The following SLC24A3 variants were observed in gnomAD, a reference collection of about 807,000 sequenced individuals.
SLC24A3 encodes solute carrier family 24 member 3, also known as sodium/potassium/calcium exchanger 3.
A neutral mutation model predicts 75.8 loss-of-function variants in SLC24A3; 28 were observed. That is an observed-to-expected ratio of 0.37 (90% confidence interval 0.27 to 0.51). The LOEUF (loss-of-function observed/expected upper bound fraction) is 0.51, where lower values mean the gene tolerates loss of function less well. Among genes scored for constraint, SLC24A3 ranks in the 20% least tolerant of loss-of-function variants. The pLI is 0.94. For synonymous variants in SLC24A3, 372 were observed against 334.1 expected, an observed-to-expected ratio of 1.11 and a Z score of -1.24; for missense variants, 663 against 847.8, an observed-to-expected ratio of 0.78 and a Z score of 2.71.
At chr20:19,514,563 C>T (rs775360868) in intron 2 of SLC24A3, among the ~76,000 whole-genome samples, 19 of 152,228 alleles carry the variant, frequency 1.2e-4, no homozygotes, top group East Asian at 1.9e-4. Context: ...CTTCCTGCCG[C>T]GCCTGGTGGG....
At chr20:19,570,118 C>T (rs976600235) in intron 3 of SLC24A3, among the ~76,000 whole-genome samples, 1 of 152,144 alleles carries the variant, frequency 6.6e-6, no homozygotes, top group Non-Finnish European at 1.5e-5. Flanking sequence ...CAAGCTTCTG[C>T]TTCTGGGGAG....
intron 1 of SLC24A3, among the ~76,000 whole-genome samples, chr20:19,265,112 C>T (rs1198693540): frequency 6.6e-6 from 1 of 152,218 alleles, no homozygotes; most frequent in Non-Finnish European, 1.5e-5. Context: ...TAAAGCATTA[C>T]TGCACTACTA....
chr20:19,618,525 C>T (rs1190212428), intron 6 of SLC24A3, among the ~76,000 whole-genome samples: 1 of 152,126 alleles, frequency 6.6e-6, no homozygotes, highest in Admixed American at 6.5e-5. Flanking sequence ...CTTTAAAGGC[C>T]CTAGCTCCAA....
intron 3 of SLC24A3, among the ~76,000 whole-genome samples, chr20:19,517,748 C>T (rs898517552): frequency 6.6e-6 from 1 of 152,222 alleles, no homozygotes; most frequent in Non-Finnish European, 1.5e-5. Context: ...GAGCCTGCTG[C>T]CAAGGCCCTT....
At chr20:19,589,445 G>A (rs1049693818) in intron 6 of SLC24A3, among the ~76,000 whole-genome samples, 1 of 152,160 alleles carries the variant, frequency 6.6e-6, no homozygotes, top group Non-Finnish European at 1.5e-5. Context: ...TGGACCTTGG[G>A]GCCCAGGGAA....
intron 2 of SLC24A3, among the ~76,000 whole-genome samples, chr20:19,363,031 C>T (rs929612564): frequency 1.1e-4 from 16 of 152,208 alleles, no homozygotes; most frequent in Admixed American, 4.6e-4. Context: ...ACTGCCAAAA[C>T]GTTGAAATCA....
chr20:19,572,698 C>T lies in SLC24A3; in HGVS notation c.349-7302C>T, dbSNP rs150952149. 3.7e-4 allele frequency among the ~76,000 whole-genome samples: 56 copies of T among 152,282 alleles called. No individual in the cohort carries two copies. In the East Asian group the frequency reaches 0.011, roughly 29 times the overall value. The stretch of plus-strand genomic sequence containing the variant: ...TACATTCCTCTTCCCTGCAAACCCC[C>T]ACCCCAAATCCTCTTGTTCAGAACC... On this transcript the variant is annotated intron_variant, in intron 3 of 16. Coordinates refer to ENST00000328041, the MANE Select transcript of SLC24A3 (RefSeq NM_020689.4).
chr20:19,484,814 G>A (rs1210036970), intron 2 of SLC24A3, among the ~76,000 whole-genome samples: 2 of 152,132 alleles, frequency 1.3e-5, no homozygotes, highest in Admixed American at 1.3e-4. Flanking sequence ...TTTAAAAAGG[G>A]TTATGATGAA....
chr20:19,610,271 A>G (rs776634079), intron 6 of SLC24A3, among the ~76,000 whole-genome samples: 54 of 152,072 alleles, frequency 3.6e-4, no homozygotes, highest in Non-Finnish European at 6.3e-4. Flanking sequence ...GTTACAAAGG[A>G]AAACATTGGG....
Position 19,540,672 on chromosome 20 carries a change from C to CTGGCA in SLC24A3, c.348+25110_348+25114dup, listed in dbSNP as rs564342472. ...ATGAAGCCCAGGGGAGGCCCATTTC[C>CTGGCA]TGGCATTCTGCTTCTATGTTTTAGT... On this transcript the variant is annotated intron_variant, in intron 3 of 16. Coordinates refer to ENST00000328041, the MANE Select transcript of SLC24A3 (RefSeq NM_020689.4). Among the ~76,000 whole-genome samples, 3 of 152,328 alleles carry CTGGCA rather than the reference C, an allele frequency of 2.0e-5. No homozygotes were observed. The South Asian group carries it at 6.2e-4, about 32-fold the overall frequency.
At chr20:19,687,825 G>A (rs1313975518) in intron 12 of SLC24A3, among the ~76,000 whole-genome samples, 1 of 152,178 alleles carries the variant, frequency 6.6e-6, no homozygotes, top group Non-Finnish European at 1.5e-5. Flanking sequence ...TTTGAAACTC[G>A]TGCTCGCCAC....
chr20:19,350,630 G>T (rs980609779), intron 2 of SLC24A3, among the ~76,000 whole-genome samples: 9 of 152,204 alleles, frequency 5.9e-5, no homozygotes, highest in African/African-American at 2.2e-4. Context: ...TAATTGATGG[G>T]TATCAGCATA....
chr20:19,709,059 G>A (rs750554266), intron 15 of SLC24A3, among the ~76,000 whole-genome samples: 5 of 152,148 alleles, frequency 3.3e-5, no homozygotes, highest in Non-Finnish European at 5.9e-5. Context: ...AGCCCACAGC[G>A]GCTGTGCTAG....
chr20:19,311,923 G>C (rs1984467595), intron 2 of SLC24A3, among the ~76,000 whole-genome samples: 1 of 151,968 alleles, frequency 6.6e-6, no homozygotes. Flanking sequence ...GTAGCATGAG[G>C]GTTTCCTTCC....
intron 2 of SLC24A3, among the ~76,000 whole-genome samples, chr20:19,390,165 T>G (rs996358655): frequency 1.3e-5 from 2 of 152,242 alleles, no homozygotes; most frequent in Non-Finnish European, 2.9e-5. Context: ...CTCACTGAGT[T>G]TCTTTAAGAT....
chr20:19,400,407 A>G (rs1335142289), intron 2 of SLC24A3, among the ~76,000 whole-genome samples: 2 of 151,966 alleles, frequency 1.3e-5, no homozygotes, highest in African/African-American at 2.4e-5. Flanking sequence ...CTTCCCATGT[A>G]CTCTACCCAC....
At chr20:19,505,972 T>C (rs1478760614) in intron 2 of SLC24A3, among the ~76,000 whole-genome samples, 1 of 152,226 alleles carries the variant, frequency 6.6e-6, no homozygotes, top group Admixed American at 6.5e-5. Flanking sequence ...AGAGCTATCA[T>C]TTGATAGGTC....
chr20:19,293,570 C>A (rs1056919138), intron 2 of SLC24A3, among the ~76,000 whole-genome samples: 5 of 149,962 alleles, frequency 3.3e-5, no homozygotes, highest in African/African-American at 1.2e-4. Context: ...GTATGAGAAT[C>A]ACTTGAACCC....
At chr20:19,670,587 G>C (rs2032454386) in intron 8 of SLC24A3, among the ~76,000 whole-genome samples, 1 of 152,204 alleles carries the variant, frequency 6.6e-6, no homozygotes, top group South Asian at 2.1e-4. Context: ...CATTAAAGTT[G>C]ATTCATTTTC....
Sources: allele counts gnomAD v4.1 joint callset (sites outside exome capture counted in the v4.1 genomes callset), GRCh38; gene constraint gnomAD v4.1.1; transcripts MANE v1.5; gene names NCBI Gene and HGNC (gene_info 2026-07-23, HGNC 2026-07-21).